Variants in AIDA observed in about 807,000 individuals in gnomAD.
AIDA encodes the protein axin interactor, dorsalization-associated protein.
In AIDA, 18 loss-of-function variants were observed where a neutral mutation model predicts 42.7. The observed-to-expected ratio is 0.42, with a 90% CI of 0.29 to 0.63. AIDA has a LOEUF of 0.63. AIDA is among the 20% of genes least tolerant of loss of function. The pLI, the probability that AIDA is intolerant of heterozygous loss-of-function variation, is 0.19. For synonymous variants in AIDA, 104 were observed against 122.9 expected (o/e 0.85, Z 1.02); for missense variants, 250 against 354.1 (o/e 0.71, Z 2.36).
At chr1:222,689,118 CA>C (rs1317139309) in intron 4 of AIDA, among the ~76,000 whole-genome samples, 1 of 151,762 alleles carries the variant, frequency 6.6e-6, no homozygotes, top group Non-Finnish European at 1.5e-5. Context: ...AAATAGAAAA[CA>C]CTTATAGAAT....
At chr1:222,691,634 C>T (rs779861536) in intron 4 of AIDA, among the ~76,000 whole-genome samples, 2 of 152,018 alleles carry the variant, frequency 1.3e-5, no homozygotes, top group African/African-American at 2.4e-5. Context: ...TACATGATAG[C>T]TCATTGTTAG....
intron 1 of AIDA, among the ~76,000 whole-genome samples, chr1:222,703,777 T>C (rs1655772646): frequency 6.6e-6 from 1 of 152,218 alleles, no homozygotes; most frequent in South Asian, 2.1e-4. Context: ...TGTCCAATTA[T>C]CATTATACTT....
At chr1:222,671,342 T>C (rs1664445468) in intron 8 of AIDA, among the ~76,000 whole-genome samples, 1 of 152,146 alleles carries the variant, frequency 6.6e-6, no homozygotes, top group Non-Finnish European at 1.5e-5. Context: ...AGTTGCCTCA[T>C]CAATGTGGCC....
rs144135731 is a variant in AIDA, at chr1:222,682,830, C to T, written c.460+4100G>A. Among the ~76,000 whole-genome samples, 5 of 152,154 alleles carry T rather than the reference C, an allele frequency of 3.3e-5. No individual in the cohort carries two copies. In the East Asian group the frequency reaches 9.7e-4, roughly 29 times the overall value. On this transcript the variant is annotated intron_variant, in intron 6 of 9. Coordinates refer to ENST00000340020, the MANE Select transcript of AIDA (RefSeq NM_022831.4). ...GTAAAGATACTGCTCAAACTGGCTA[C>T]AATATTTGGTAGATGGAAGATAACA...
At chr1:222,680,828 A>G (rs532148414) in intron 6 of AIDA, among the ~76,000 whole-genome samples, 31 of 152,268 alleles carry the variant, frequency 2.0e-4, no homozygotes, top group African/African-American at 7.0e-4. Context: ...ATTACTTAGT[A>G]GCAGAGCTTA....
intron 4 of AIDA, among the ~76,000 whole-genome samples, chr1:222,688,689 T>C (rs1287281538): frequency 6.6e-6 from 1 of 151,990 alleles, no homozygotes; most frequent in Non-Finnish European, 1.5e-5. Context: ...AACCTCTGCC[T>C]CTCAGGTTCA....
At chr1:222,709,304 G>A (rs1256901713) in intron 1 of AIDA, among the ~76,000 whole-genome samples, 2 of 152,008 alleles carry the variant, frequency 1.3e-5, no homozygotes, top group Non-Finnish European at 2.9e-5. Flanking sequence ...GGTAGTGCGC[G>A]CCTGTAATCT....
intron 1 of AIDA, among the ~76,000 whole-genome samples, chr1:222,707,565 T>G (rs375893094): frequency 4.9e-4 from 75 of 152,356 alleles, no homozygotes; most frequent in African/African-American, 1.6e-3. Flanking sequence ...CTGAGAGAAA[T>G]CTACACGTTC....
At chr1:222,689,569 G>GTATATATATGTA (rs1553294429) in intron 4 of AIDA, among the ~76,000 whole-genome samples, 1 of 100,468 alleles carries the variant, frequency 1.0e-5, no homozygotes, top group Non-Finnish European at 1.9e-5. Flanking sequence ...GTATATATAT[G>GTATATATATGTA]TATATATATA....
chr1:222,682,173 A>G (rs1350241616), intron 6 of AIDA, among the ~76,000 whole-genome samples: 1 of 152,154 alleles, frequency 6.6e-6, no homozygotes, highest in African/African-American at 2.4e-5. Flanking sequence ...TTCTGCTTTT[A>G]AAAAAATTGC....
intron 1 of AIDA, among the ~76,000 whole-genome samples, chr1:222,709,525 GGA>G (rs1655936414): frequency 6.6e-6 from 1 of 152,236 alleles, no homozygotes; most frequent in Non-Finnish European, 1.5e-5. Context: ...ATGGGGAGCA[GGA>G]GGTGTGAAAC....
intron 2 of AIDA, among the ~76,000 whole-genome samples, chr1:222,698,261 A>G (rs2124964770): frequency 6.6e-6 from 1 of 152,334 alleles, no homozygotes; most frequent in African/African-American, 2.4e-5. Flanking sequence ...ACCAATTAAT[A>G]AAGTTTAGAG....
intron 1 of AIDA, among the ~76,000 whole-genome samples, chr1:222,710,595 A>C (rs952679531): frequency 5.3e-5 from 8 of 152,246 alleles, no homozygotes; most frequent in African/African-American, 1.9e-4. Flanking sequence ...GTGCTTACTA[A>C]TTGGCTACAG....
chr1:222,691,832 CACCA>C (rs555822991), intron 4 of AIDA, among the ~76,000 whole-genome samples: 123 of 152,110 alleles, frequency 8.1e-4, no homozygotes, highest in Middle Eastern at 3.4e-3. Context: ...TTGTATAAAA[CACCA>C]ACAAAAAAGC....
intron 6 of AIDA, among the ~76,000 whole-genome samples, chr1:222,682,699 A>G (rs960523243): frequency 6.6e-6 from 1 of 152,132 alleles, no homozygotes; most frequent in Non-Finnish European, 1.5e-5. Flanking sequence ...CAGTCATCCA[A>G]ATTTTTTTTG....
At position 222,668,097 on chromosome 1, in the gene AIDA, T is replaced by C. The variant is rs916119246; in HGVS notation, c.*1796A>G. 1 of 152,224 alleles carries C rather than the reference T, an allele frequency of 6.6e-6. No homozygotes were observed. The highest frequency in any genetic ancestry group is 2.4e-5 in the African/African-American group (1 of 41,464). The allele number at this position is 152,224 out of a possible 1,614,324, so 9.4% of individuals were successfully genotyped here. On this transcript the variant is annotated 3_prime_UTR_variant, in exon 10 of 10. Transcript: ENST00000340020. Reference sequence around the variant, plus strand: ...TATGTGAAGGATAGCAGATGCTTCATATAAATTATCATTTTGATATACATA... The same window carrying C: ...TATGTGAAGGATAGCAGATGCTTCACATAAATTATCATTTTGATATACATA...
intron 7 of AIDA, among the ~76,000 whole-genome samples, chr1:222,674,485 T>C (rs764379412): frequency 2.6e-5 from 4 of 152,152 alleles, no homozygotes; most frequent in Non-Finnish European, 5.9e-5. Flanking sequence ...TGATCAAGTG[T>C]ATGGTTTGGA....
chr1:222,689,564 T>C (rs1655309442), intron 4 of AIDA, among the ~76,000 whole-genome samples: 1 of 77,114 alleles, frequency 1.3e-5, no homozygotes, highest in Admixed American at 1.2e-4. Flanking sequence ...TATATGTATA[T>C]ATATGTATAT....
intron 2 of AIDA, 77 bp downstream of exon 2, chr1:222,703,071 T>C (rs1655752834): frequency 8.4e-7 from 1 of 1,190,704 alleles, no homozygotes; most frequent in Non-Finnish European, 1.2e-6. Flanking sequence ...TGTTGTTTTT[T>C]GTTTTGCTTA....
Sources: allele counts gnomAD v4.1 joint callset (sites outside exome capture counted in the v4.1 genomes callset), GRCh38; gene constraint gnomAD v4.1.1; transcripts MANE v1.5; gene names NCBI Gene and HGNC (gene_info 2026-07-23, HGNC 2026-07-21).